Variants in ZNF738 observed in about 807,000 individuals in gnomAD.
ZNF738 encodes protein ZNF738.
In ZNF738, 10 loss-of-function variants were observed where a neutral mutation model predicts 9.2. The observed-to-expected ratio is 1.09, with a 90% CI of 0.67 to 1.85. ZNF738 has a LOEUF of 1.85. Among genes scored for constraint, ZNF738 ranks in the 40% most tolerant of loss-of-function variants. The pLI is 0.00. For missense variants in ZNF738, 346 were observed against 283.6 expected (o/e 1.22, Z -1.58); for synonymous variants, 113 against 94.5 (o/e 1.20, Z -1.14).
At position 21,383,189 on chromosome 19, in the gene ZNF738, A is replaced by C; in HGVS notation, c.643A>C (p.Met215Leu). The change falls in exon 5 of 5, where the codon ATG becomes CTG. Residue 215 changes from methionine to leucine, a missense_variant. By Grantham distance (15) the Met-to-Leu change is conservative. Transcript: ENST00000683779. ...TAAAAAATGTGGCAAATCATTTTGC[A>C]TGCTTTTACACCTAGGTCAACATAA... Reference protein sequence around the residue: ...KCKKCGKSFCMLLHLGQHKII... With the variant: ...KCKKCGKSFCLLLHLGQHKII... The C allele has an allele frequency of 6.2e-7, 1 of 1,601,446 alleles. No individual in the cohort carries two copies. The highest frequency in any genetic ancestry group is 8.5e-7 in the Non-Finnish European group (1 of 1,169,750).
chr19:21,367,680 T>C (rs1568367421), intron 2 of ZNF738, among the ~76,000 whole-genome samples: 1 of 152,092 alleles, frequency 6.6e-6, no homozygotes, highest in Non-Finnish European at 1.5e-5. Context: ...AGGTCTCCTC[T>C]TAGGGTGAGA....
intron 4 of ZNF738, among the ~76,000 whole-genome samples, chr19:21,380,784 A>G (rs919246002): frequency 5.3e-5 from 8 of 152,148 alleles, no homozygotes; most frequent in African/African-American, 1.9e-4. Flanking sequence ...TGGGAAAACA[A>G]TGCACCACCA....
chr19:21,364,161 C>T (rs2928217), intron 2 of ZNF738, among the ~76,000 whole-genome samples: 10 of 123,818 alleles, frequency 8.1e-5, no homozygotes, highest in African/African-American at 3.2e-4. Context: ...CATGCCACTG[C>T]ACTCTAGTCT....
intron 4 of ZNF738, chr19:21,376,475 A>G (rs920990923): frequency 3.3e-5 from 5 of 152,648 alleles, no homozygotes; most frequent in East Asian, 1.9e-4. Flanking sequence ...AAATTATAAA[A>G]TATAATGTCT....
At chr19:21,369,391 G>A (rs1973827578) in intron 2 of ZNF738, among the ~76,000 whole-genome samples, 1 of 152,144 alleles carries the variant, frequency 6.6e-6, no homozygotes, top group Non-Finnish European at 1.5e-5. Flanking sequence ...CATTACAAGC[G>A]TGAGCCACCT....
rs200977447 is a variant in ZNF738, at chr19:21,373,798, A to G, written c.97-1440A>G. Reference sequence around the variant, plus strand: ...ATGGCTTTTTTTTTTTTTTTCAGCTAAACATGTGTCAGATGAAGAGCTGTG... The same window carrying G: ...ATGGCTTTTTTTTTTTTTTTCAGCTGAACATGTGTCAGATGAAGAGCTGTG... On this transcript the variant is annotated intron_variant, in intron 2 of 4. Transcript: ENST00000683779. 4.6e-5 allele frequency among the ~76,000 whole-genome samples: 7 copies of G among 150,640 alleles called. No individual in the cohort carries two copies. In the East Asian group the frequency reaches 1.2e-3, roughly 25 times the overall value.
In ZNF738 at chr19:21,383,007, G is replaced by A; in HGVS notation, c.461G>A (p.Cys154Tyr). 1 of 742,196 alleles carries A rather than the reference G, an allele frequency of 1.3e-6. No homozygotes were observed. Among genetic ancestry groups the A allele is most frequent in the Non-Finnish European group, 2.5e-6 (1 of 406,746 alleles). 46.0% of individuals were successfully genotyped at this position (742,196 alleles called of 1,614,324 possible). A position where few individuals can be genotyped will look rare whatever the true frequency, so the allele number is the denominator to read the frequency against. Reference protein sequence around the residue: ...LRKGCKSVNECNVQKEGYNEL... With the variant: ...LRKGCKSVNEYNVQKEGYNEL... ...AAAGGCTGTAAAAGTGTGAATGAGT[G>A]TAATGTGCAAAAAGAAGGTTATAAT... The change falls in exon 5 of 5, where the codon TGT (cysteine) becomes TAT (tyrosine). Residue 154 changes from cysteine to tyrosine, a missense_variant. Cys to Tyr is a radical substitution (Grantham distance 194). Transcript: ENST00000683779.
At chr19:21,360,133 C>G (rs2968022) in intron 1 of ZNF738, among the ~76,000 whole-genome samples, 145,049 of 152,274 alleles carry the variant, frequency 0.95, 69,353 homozygotes, top group Middle Eastern at 1. Context: ...GGTGAAGCCT[C>G]AATTTTGTTT....
In ZNF738 at chr19:21,359,089, C is replaced by A; in HGVS notation, c.-52C>A. ...GCCCAGCCTCTGGTCCTGTGACCTG[C>A]AGGTATTGGGAATCCACAGCTAAGA... is the stretch of plus-strand genomic sequence containing the variant. On this transcript the variant is annotated 5_prime_UTR_variant, in exon 1 of 5. Transcript: ENST00000683779. 1 of 996,588 alleles carries A rather than the reference C, an allele frequency of 1.0e-6. No homozygotes were observed. The highest frequency in any genetic ancestry group is 1.6e-6 in the Non-Finnish European group (1 of 619,700). The allele number at this position is 996,588 out of a possible 1,614,324, so 61.7% of individuals were successfully genotyped here.
At chr19:21,367,588 A>G (rs1279371926) in intron 2 of ZNF738, among the ~76,000 whole-genome samples, 2 of 152,208 alleles carry the variant, frequency 1.3e-5, no homozygotes, top group Non-Finnish European at 2.9e-5. Flanking sequence ...CCTGGCCTGC[A>G]GTGGAACTCC....
In ZNF738 at chr19:21,381,681, G is replaced by C. The variant is rs1306286271; in HGVS notation, c.320-1185G>C. 6 of 400,626 alleles carry C rather than the reference G, an allele frequency of 1.5e-5. No homozygotes were observed. The East Asian group carries it at 2.6e-4, about 17-fold the overall frequency. 24.8% of individuals were successfully genotyped at this position (400,626 alleles called of 1,614,324 possible). ...GCTGATTTTTTGTATTTTTAGTAGA[G>C]ATGGGGTTTCACTGCGTTAGCCAGG... is the stretch of plus-strand genomic sequence containing the variant. On this transcript the variant is annotated intron_variant, in intron 4 of 4. Coordinates refer to ENST00000683779, the MANE Select transcript of ZNF738 (RefSeq NM_001355237.2).
chr19:21,387,357 T>C lies in ZNF738; in HGVS notation c.*3683T>C, dbSNP rs1346465693. On this transcript the variant is annotated 3_prime_UTR_variant, in exon 5 of 5. Coordinates refer to ENST00000683779, the MANE Select transcript of ZNF738 (RefSeq NM_001355237.2). ...GCACCTGCCACCACGCCTGGCTAAT[T>C]TTTGTACTTTTAGTAGAGATGGGGT... 6.6e-6 allele frequency among the ~76,000 whole-genome samples: 1 copy of C among 151,884 alleles called. No individual in the cohort carries two copies. The highest frequency in any genetic ancestry group is 2.4e-5 in the African/African-American group (1 of 41,336).
intron 2 of ZNF738, among the ~76,000 whole-genome samples, chr19:21,367,063 G>A (rs1357630306): frequency 2.6e-5 from 4 of 152,164 alleles, no homozygotes; most frequent in Non-Finnish European, 5.9e-5. Context: ...GTCTGGATGT[G>A]TAATAAATAA....
chr19:21,378,719 C>G (rs1168814858), intron 4 of ZNF738: 2 of 343,816 alleles, frequency 5.8e-6, no homozygotes, highest in African/African-American at 4.6e-5. Context: ...CCTACCTCAG[C>G]CTCCCGAGTA....
intron 2 of ZNF738, among the ~76,000 whole-genome samples, chr19:21,363,879 T>A: frequency 1.2e-5 from 1 of 82,288 alleles, no homozygotes; most frequent in African/African-American, 6.5e-5. Context: ...ACAGTGAGAC[T>A]CCATTTAAAA....
chr19:21,383,428 CA>C lies in ZNF738; in HGVS notation c.885del (p.Asp296IlefsTer41). ...AACACTACAAATGTGAAAAATGTGG[CA>C]AAGATTTTAAACAGTCCTCACACCT... Reference protein sequence around the residue: ...EKHYKCEKCGKDFKQSSHLTK... With the variant: ...EKHYKCEKCGXDFKQSSHLTK... On this transcript the variant is annotated frameshift_variant, in exon 5 of 5. Transcript: ENST00000683779. LOFTEE classifies it low-confidence loss of function (END_TRUNC). 3 of 560,544 alleles carry C rather than the reference CA, an allele frequency of 5.4e-6. No individual in the cohort carries two copies. Among genetic ancestry groups the C allele is most frequent in the Non-Finnish European group, 9.3e-6 (3 of 321,080 alleles). 34.7% of individuals were successfully genotyped at this position (560,544 alleles called of 1,614,324 possible).
In ZNF738 at chr19:21,375,860, A is replaced by G. The variant is rs751510174; in HGVS notation, c.224-9A>G. The G allele has an allele frequency of 2.6e-6, 2 of 779,658 alleles. No homozygotes were observed. The highest frequency in any genetic ancestry group is 1.4e-5 in the South Asian group (1 of 73,404). The allele number at this position is 779,658 out of a possible 1,614,324, so 48.3% of individuals were successfully genotyped here. A position where few individuals can be genotyped will look rare whatever the true frequency, so the allele number is the denominator to read the frequency against. The stretch of plus-strand genomic sequence containing the variant: ...GCAAGATTCATGTTATTTATTTTTA[A>G]TAAATCAGGTATTGATGTCTCTAAG... On this transcript the variant is annotated splice_polypyrimidine_tract_variant and intron_variant, in intron 3 of 4. Coordinates refer to ENST00000683779, the MANE Select transcript of ZNF738 (RefSeq NM_001355237.2).
chr19:21,371,168 C>T (rs1035349602), intron 2 of ZNF738, among the ~76,000 whole-genome samples: 1 of 152,156 alleles, frequency 6.6e-6, no homozygotes, highest in African/African-American at 2.4e-5. Context: ...CTTCTTCTTA[C>T]CCAAAAGCTA....
At chr19:21,379,059 T>C (rs1973975207) in intron 4 of ZNF738, 1 of 19,470 alleles carries the variant, frequency 5.1e-5, no homozygotes, top group Non-Finnish European at 2.7e-4. Flanking sequence ...TTATTTTTTA[T>C]ATTTTTTTAC....
Sources: allele counts gnomAD v4.1 joint callset (sites outside exome capture counted in the v4.1 genomes callset), GRCh38; gene constraint gnomAD v4.1.1; transcripts MANE v1.5; gene names NCBI Gene and HGNC (gene_info 2026-07-23, HGNC 2026-07-21).